ATP2B2: variants seen among roughly 807,000 people sequenced by gnomAD.
ATP2B2 encodes plasma membrane calcium-transporting ATPase 2.
A neutral mutation model predicts 120.0 loss-of-function variants in ATP2B2; 15 were observed. The ratio of observed to expected loss-of-function variants is 0.12; its 90% confidence interval spans 0.08 to 0.19. The LOEUF (loss-of-function observed/expected upper bound fraction) is 0.19, where lower values mean the gene tolerates loss of function less well. ATP2B2 is among the 10% of genes least tolerant of loss of function. The pLI is 1.00. For synonymous variants in ATP2B2, 694 were observed against 700.3 expected (o/e 0.99, Z 0.14); for missense variants, 1,045 against 1,719.8 (o/e 0.61, Z 6.94).
intron 22 of ATP2B2, among the ~76,000 whole-genome samples, chr3:10,335,401 G>A (rs2060087697): frequency 1.3e-5 from 2 of 152,200 alleles, no homozygotes; most frequent in Admixed American, 1.3e-4. Flanking sequence ...GGGGAGGAGT[G>A]ACAGGAAGCG....
intron 8 of ATP2B2, among the ~76,000 whole-genome samples, chr3:10,381,838 G>A (rs2061539033): frequency 6.6e-6 from 1 of 152,132 alleles, no homozygotes; most frequent in Admixed American, 6.5e-5. Context: ...AAAGGGCATG[G>A]GTGTGAAGTG....
chr3:10,608,034 C>T (rs1328234201), intron 2 of ATP2B2, among the ~76,000 whole-genome samples: 1 of 152,216 alleles, frequency 6.6e-6, no homozygotes, highest in Non-Finnish European at 1.5e-5. Context: ...TTGAAATCAT[C>T]CCTGACACTT....
At chr3:10,420,225 G>T (rs1045608491) in intron 2 of ATP2B2, among the ~76,000 whole-genome samples, 33 of 152,210 alleles carry the variant, frequency 2.2e-4, no homozygotes, top group Non-Finnish European at 3.4e-4. Context: ...ATCACTGCTG[G>T]GACTGTGGGA....
intron 16 of ATP2B2, among the ~76,000 whole-genome samples, chr3:10,348,821 C>T (rs2060498856): frequency 6.6e-6 from 1 of 152,246 alleles, no homozygotes; most frequent in Non-Finnish European, 1.5e-5. Flanking sequence ...TCCACGTGGG[C>T]AGGACCAGGC....
chr3:10,502,301 A>G (rs1451077388), intron 1 of ATP2B2, among the ~76,000 whole-genome samples: 1 of 152,230 alleles, frequency 6.6e-6, no homozygotes, highest in African/African-American at 2.4e-5. Context: ...CAGCTGTGGC[A>G]TAAAACAGGG....
intron 2 of ATP2B2, among the ~76,000 whole-genome samples, chr3:10,419,758 C>G (rs958747877): frequency 2.6e-5 from 4 of 152,202 alleles, no homozygotes; most frequent in African/African-American, 9.6e-5. Context: ...GCAGCCGAGC[C>G]AGGCCTCTTG....
rs60670471 is a variant in ATP2B2, at chr3:10,585,493, GAAAAAAAAAA to G, written c.-415+34414_-415+34423del. 4.6e-4 allele frequency among the ~76,000 whole-genome samples: 13 copies of G among 28,510 alleles called. 1 individual carries two copies. Among genetic ancestry groups the G allele is most frequent in the Non-Finnish European group, 5.7e-4 (10 of 17,688 alleles). 18.7% of individuals were successfully genotyped at this position (28,510 alleles called of 152,430 possible). ...TGGGCGACAGAGCGAGACTCCGTCT[GAAAAAAAAAA>G]AAAAAAAAAAAAAAGATCCAGTGAG... On this transcript the variant is annotated intron_variant, in intron 2 of 21. Transcript: ENST00000646379.
chr3:10,332,121 C>T (rs554421500), intron 22 of ATP2B2: 14 of 1,205,226 alleles, frequency 1.2e-5, no homozygotes, highest in Middle Eastern at 2.0e-4. Flanking sequence ...CTCGCCAACC[C>T]AAGGTTGCAC....
Position 10,523,340 on chromosome 3 carries a change from TA to T in ATP2B2, c.-320+10698del, listed in dbSNP as rs537880686. Among the ~76,000 whole-genome samples the T allele has an allele frequency of 2.6e-5, 4 of 152,250 alleles. No homozygotes were observed. In the South Asian group the frequency reaches 6.2e-4, roughly 24 times the overall value. On this transcript the variant is annotated intron_variant, in intron 3 of 21. Transcript: ENST00000646379. ...GTATGACAAGCTTTTAACTTTCTAT[TA>T]AAAAAATCACTCTTAAACGTTTCTC...
intron 2 of ATP2B2, among the ~76,000 whole-genome samples, chr3:10,425,923 G>A (rs1187771658): frequency 1.3e-5 from 2 of 152,156 alleles, no homozygotes; most frequent in Non-Finnish European, 2.9e-5. Flanking sequence ...CAGAATGCTC[G>A]AGTGGCTCCC....
Position 10,326,457 on chromosome 3 carries a change from G to A in ATP2B2, c.*2357C>T, listed in dbSNP as rs1329931847. ...CATGGTGTGCAAACACAGCTATCCT[G>A]ATGTCATGGAACGAGGTCACGGACA... On this transcript the variant is annotated 3_prime_UTR_variant, in exon 23 of 23. Transcript: ENST00000360273. 47 of 359,672 alleles carry A rather than the reference G, an allele frequency of 1.3e-4. No individual in the cohort carries two copies. Among genetic ancestry groups the A allele is most frequent in the Non-Finnish European group, 2.3e-4 (46 of 201,638 alleles). The allele number at this position is 359,672 out of a possible 1,614,324, so 22.3% of individuals were successfully genotyped here. A position where few individuals can be genotyped will look rare whatever the true frequency, so the allele number is the denominator to read the frequency against.
At chr3:10,383,355 G>A (rs2061584948) in intron 8 of ATP2B2, among the ~76,000 whole-genome samples, 1 of 152,102 alleles carries the variant, frequency 6.6e-6, no homozygotes, top group Non-Finnish European at 1.5e-5. Context: ...GTAACTCTCC[G>A]CTACACACCA....
chr3:10,553,262 T>C (rs2067707276), intron 2 of ATP2B2, among the ~76,000 whole-genome samples: 2 of 152,252 alleles, frequency 1.3e-5, no homozygotes, highest in South Asian at 4.1e-4. Flanking sequence ...AGCGGTGTTC[T>C]TTCCCGGACT....
Position 10,328,998 on chromosome 3 carries a change from G to C in ATP2B2, c.3548C>G (p.Pro1183Arg). 6.2e-7 allele frequency: 1 copy of C among 1,614,014 alleles called. No individual in the cohort carries two copies. Among genetic ancestry groups the C allele is most frequent in the Non-Finnish European group, 8.5e-7 (1 of 1,180,018 alleles). Residue 1183 changes from proline (P) to arginine (R), a missense_variant, in exon 23 of 23, where the codon CCC (proline) becomes CGC (arginine). Physicochemically the swap from Pro to Arg is moderately radical, Grantham distance 103. Coordinates refer to ENST00000360273, the MANE Select transcript of ATP2B2 (RefSeq NM_001001331.4). ...FRIEDSQPHIPLIDDTDLEED... is the reference protein window; with the variant it reads ...FRIEDSQPHIRLIDDTDLEED... ...TTCCAGGTCGGTGTCATCAATGAGG[G>C]GGATGTGGGGCTGGGAATCTTCGAT...
chr3:10,399,292 T>TG (rs1201468657), intron 5 of ATP2B2, among the ~76,000 whole-genome samples: 67 of 152,332 alleles, frequency 4.4e-4, no homozygotes, highest in Non-Finnish European at 5.9e-5. Context: ...AGAGGTCATT[T>TG]GGGGCATTCC....
intron 1 of ATP2B2, among the ~76,000 whole-genome samples, chr3:10,498,861 C>A (rs2066266091): frequency 6.6e-6 from 1 of 152,182 alleles, no homozygotes; most frequent in South Asian, 2.1e-4. Flanking sequence ...CCTCCTTGGA[C>A]TAGGATGTGC....
Position 10,375,439 on chromosome 3 carries a change from A to G in ATP2B2, c.1407T>C (p.Tyr469=), listed in dbSNP as rs761653972. The change falls in exon 11 of 23, where the codon TAT becomes TAC. Residue 469 remains tyrosine, a synonymous_variant. Coordinates refer to ENST00000360273, the MANE Select transcript of ATP2B2 (RefSeq NM_001001331.4). This position sits in a 1 kb window ranked among gnomAD's most constrained non-coding sequence, Gnocchi z 4.2. ...LPLAVTISLA[Y]SVKKMMKDNN... ...TCTCCTCCCCTCTCACCTTCACCGA[A>G]TAGGCCAACGAGATGGTGACGGCCA... The G allele has an allele frequency of 2.2e-5, 36 of 1,611,890 alleles. No homozygotes were observed. Among genetic ancestry groups the G allele is most frequent in the Non-Finnish European group, 2.9e-5 (34 of 1,179,660 alleles).
At position 10,562,365 on chromosome 3, in the gene ATP2B2, G is replaced by T. The variant is rs970073968; in HGVS notation, c.-414-28232C>A. On this transcript the variant is annotated intron_variant, in intron 2 of 21. Coordinates refer to the ATP2B2 transcript ENST00000646379. ...AGAGTTGGGCATGAGCTTGTGCGTG[G>T]GTGGGGGAGTTACTATTCTTAGTCT... Among the ~76,000 whole-genome samples, 10 of 152,288 alleles carry T rather than the reference G, an allele frequency of 6.6e-5. No individual in the cohort carries two copies. In the East Asian group the frequency reaches 7.7e-4, roughly 12 times the overall value.
chr3:10,517,622 C>T (rs1261995525), intron 3 of ATP2B2, among the ~76,000 whole-genome samples: 3 of 152,208 alleles, frequency 2.0e-5, no homozygotes. Flanking sequence ...ATACCAGGCA[C>T]CGGGCTAAGA....
Sources: allele counts gnomAD v4.1 joint callset (sites outside exome capture counted in the v4.1 genomes callset), GRCh38; gene constraint gnomAD v4.1.1; non-coding constraint Gnocchi (gnomAD v3.1); transcripts MANE v1.5; gene names NCBI Gene and HGNC (gene_info 2026-07-23, HGNC 2026-07-21).